The following CDH12 variants were observed in gnomAD, a reference collection of about 807,000 sequenced individuals.
CDH12 encodes the protein cadherin 12, also known as cadherin-12.
Under a neutral mutation model 74.1 loss-of-function variants are expected in CDH12, and 41 were observed. The ratio of observed to expected loss-of-function variants is 0.55; its 90% CI spans 0.43 to 0.72. The LOEUF (loss-of-function observed/expected upper bound fraction) is 0.72, where lower values mean the gene tolerates loss of function less well. CDH12 is among the 30% of genes least tolerant of loss of function. The pLI, the probability that CDH12 is intolerant of heterozygous loss-of-function variation, is 0.00. For synonymous variants in CDH12, 399 were observed against 355.0 expected (o/e 1.12, Z -1.39); for missense variants, 945 against 977.2 (o/e 0.97, Z 0.44).
chr5:22,415,507 A>G (rs1352659631), intron 2 of CDH12, among the ~76,000 whole-genome samples: 1 of 152,222 alleles, frequency 6.6e-6, no homozygotes, highest in Non-Finnish European at 1.5e-5. Flanking sequence ...AAGTTCTTAC[A>G]TAGTGTGATT....
chr5:21,825,611 T>C (rs1748626298), intron 8 of CDH12, among the ~76,000 whole-genome samples: 1 of 152,150 alleles, frequency 6.6e-6, no homozygotes, highest in Non-Finnish European at 1.5e-5. Context: ...TACCCATGCC[T>C]ACTTAACAAC....
At chr5:22,471,317 T>C (rs1745949379) in intron 2 of CDH12, among the ~76,000 whole-genome samples, 1 of 152,190 alleles carries the variant, frequency 6.6e-6, no homozygotes, top group Non-Finnish European at 1.5e-5. Context: ...TTAAGATTTT[T>C]CATTCTCTTC....
chr5:22,836,963 A>G (rs1226481305), intron 1 of CDH12, among the ~76,000 whole-genome samples: 2 of 152,236 alleles, frequency 1.3e-5, no homozygotes, highest in African/African-American at 4.8e-5. Flanking sequence ...AGAATATCAT[A>G]TAAAGTCTTA....
intron 4 of CDH12, among the ~76,000 whole-genome samples, chr5:22,211,018 C>T (rs1337959863): frequency 3.9e-5 from 6 of 152,198 alleles, no homozygotes; most frequent in African/African-American, 1.4e-4. Flanking sequence ...TAGCCAAGTA[C>T]ACATCAGCCT....
chr5:22,682,942 A>G (rs1741574309), intron 1 of CDH12, among the ~76,000 whole-genome samples: 1 of 152,148 alleles, frequency 6.6e-6, no homozygotes, highest in African/African-American at 2.4e-5. Flanking sequence ...ATGATCCATA[A>G]ACAAAGATTT....
intron 11 of CDH12, among the ~76,000 whole-genome samples, chr5:21,770,991 G>C (rs1337397052): frequency 2.0e-5 from 3 of 152,110 alleles, no homozygotes; most frequent in South Asian, 2.1e-4. Context: ...GTTCTCAATT[G>C]TAAGTGGGAA....
intron 2 of CDH12, among the ~76,000 whole-genome samples, chr5:22,406,606 T>C (rs566016860): frequency 1.3e-5 from 2 of 152,272 alleles, no homozygotes; most frequent in African/African-American, 4.8e-5. Flanking sequence ...TAAAGGGTAA[T>C]AGATTTTTGA....
intron 6 of CDH12, among the ~76,000 whole-genome samples, chr5:21,874,604 G>A (rs1414956990): frequency 1.3e-5 from 2 of 152,156 alleles, no homozygotes; most frequent in Admixed American, 1.3e-4. Flanking sequence ...TTGTATGGGA[G>A]CTCTGTTTTC....
chr5:22,544,494 C>A (rs1046798271), intron 1 of CDH12, among the ~76,000 whole-genome samples: 2 of 151,942 alleles, frequency 1.3e-5, no homozygotes, highest in African/African-American at 4.8e-5. Flanking sequence ...TCAGATCATC[C>A]ATCTTAGAGT....
At chr5:22,108,465 AG>A (rs1744621238) in intron 4 of CDH12, among the ~76,000 whole-genome samples, 1 of 152,256 alleles carries the variant, frequency 6.6e-6, no homozygotes, top group South Asian at 2.1e-4. Context: ...TGAAGAGTAT[AG>A]TAGAAGGATT....
At chr5:22,196,214 G>A (rs939917777) in intron 4 of CDH12, among the ~76,000 whole-genome samples, 2 of 149,718 alleles carry the variant, frequency 1.3e-5, no homozygotes, top group Non-Finnish European at 3.0e-5. Flanking sequence ...GCATGATCTC[G>A]GCTCACTGCA....
intron 6 of CDH12, among the ~76,000 whole-genome samples, chr5:21,905,762 T>C (rs1753614304): frequency 1.3e-5 from 2 of 152,208 alleles, no homozygotes; most frequent in Admixed American, 6.5e-5. Context: ...TTAAAGTATC[T>C]ATTGTTGCTC....
chr5:22,732,229 C>T (rs1447228459), intron 1 of CDH12, among the ~76,000 whole-genome samples: 11 of 151,766 alleles, frequency 7.2e-5, no homozygotes, highest in African/African-American at 2.4e-4. Flanking sequence ...GGCATCTTCA[C>T]ACGGTCTTCC....
chr5:21,831,554 G>C (rs1014592575), intron 8 of CDH12, among the ~76,000 whole-genome samples: 9 of 152,174 alleles, frequency 5.9e-5, no homozygotes, highest in African/African-American at 2.2e-4. Flanking sequence ...TGCAGTTCCA[G>C]CAGCCAAATT....
At chr5:21,772,036 C>A (rs1200960162) in intron 11 of CDH12, among the ~76,000 whole-genome samples, 1 of 152,118 alleles carries the variant, frequency 6.6e-6, no homozygotes, top group African/African-American at 2.4e-5. Flanking sequence ...GTTCGACTCC[C>A]CTTCCCATCA....
intron 4 of CDH12, among the ~76,000 whole-genome samples, chr5:22,090,221 A>G (rs113630629): frequency 1.1e-3 from 164 of 152,082 alleles, no homozygotes; most frequent in Admixed American, 2.6e-3. Context: ...CCTTCTAACA[A>G]TTAAAAAACG....
rs540692844 is a variant in CDH12 at position 22,287,484 on chromosome 5, G to C, written c.-332-74841C>G. Among the ~76,000 whole-genome samples, 270 of 152,072 alleles carry C rather than the reference G, an allele frequency of 1.8e-3. 2 individuals carry two copies. The highest frequency in any genetic ancestry group is 6.1e-3 in the African/African-American group (253 of 41,508). ...TCACGCCTGTAATCCCAGCACTTTGGGAGGCCGAGGCGGGCGGATCACAAG... is the reference window on the plus strand; with the variant it reads ...TCACGCCTGTAATCCCAGCACTTTGCGAGGCCGAGGCGGGCGGATCACAAG... On this transcript the variant is annotated intron_variant, in intron 3 of 14. Coordinates refer to ENST00000382254, the MANE Select transcript of CDH12 (RefSeq NM_004061.5).
intron 5 of CDH12, among the ~76,000 whole-genome samples, chr5:21,978,023 AT>A (rs774647675): frequency 6.0e-4 from 91 of 152,326 alleles, no homozygotes; most frequent in Non-Finnish European, 1.1e-3. Context: ...TTGATATTAA[AT>A]AAATGACATT....
intron 11 of CDH12, among the ~76,000 whole-genome samples, chr5:21,778,431 A>G (rs997660486): frequency 3.4e-5 from 5 of 149,200 alleles, no homozygotes; most frequent in African/African-American, 9.8e-5. Flanking sequence ...TGTTGTGATA[A>G]TATCATTCCA....
Sources: gnomAD v4.1 joint callset for allele counts (sites outside exome capture counted in the v4.1 genomes callset) on GRCh38, gnomAD v4.1.1 for gene constraint, MANE v1.5 for transcripts, NCBI Gene and HGNC (gene_info 2026-07-23, HGNC 2026-07-21) for gene names.